Variants in EXOC6B observed in about 807,000 individuals in gnomAD.
The protein encoded by EXOC6B is exocyst complex component 6B, also known as SEC15 homolog B.
In EXOC6B, 54 loss-of-function variants were observed where a neutral mutation model predicts 113.5. The ratio of observed to expected loss-of-function variants is 0.48; its 90% confidence interval spans 0.38 to 0.60. The LOEUF (loss-of-function observed/expected upper bound fraction) is 0.60, where lower values mean the gene tolerates loss of function less well. EXOC6B is among the 20% of genes least tolerant of loss of function. The pLI is 0.00. For missense variants in EXOC6B, 797 were observed against 977.5 expected (o/e 0.82, Z 2.46); for synonymous variants, 357 against 339.0 (o/e 1.05, Z -0.58).
At chr2:72,296,084 G>A (rs1686120290) in intron 20 of EXOC6B, among the ~76,000 whole-genome samples, 1 of 151,912 alleles carries the variant, frequency 6.6e-6, no homozygotes, top group African/African-American at 2.4e-5. Flanking sequence ...TCCTGAACAT[G>A]TATGTCTCAA....
At chr2:72,707,924 T>C (rs1678994492) in intron 6 of EXOC6B, among the ~76,000 whole-genome samples, 1 of 152,062 alleles carries the variant, frequency 6.6e-6, no homozygotes, top group Admixed American at 6.5e-5. Context: ...AGAAATAAAA[T>C]AGTTATTGAA....
At chr2:72,262,224 G>C (rs1317072778) in intron 20 of EXOC6B, among the ~76,000 whole-genome samples, 1 of 151,746 alleles carries the variant, frequency 6.6e-6, no homozygotes, top group Non-Finnish European at 1.5e-5. Flanking sequence ...CTTTCCTTGG[G>C]TCTCCACTCC....
intron 20 of EXOC6B, among the ~76,000 whole-genome samples, chr2:72,268,498 C>T (rs1684276108): frequency 6.6e-6 from 1 of 152,108 alleles, no homozygotes; most frequent in Non-Finnish European, 1.5e-5. Flanking sequence ...CAGAATGATG[C>T]ATAGTATGAC....
intron 20 of EXOC6B, among the ~76,000 whole-genome samples, chr2:72,216,512 G>C (rs1322509056): frequency 6.6e-6 from 1 of 152,146 alleles, no homozygotes; most frequent in Non-Finnish European, 1.5e-5. Context: ...TAAGGATCTA[G>C]AACCAGAAAT....
intron 8 of EXOC6B, among the ~76,000 whole-genome samples, chr2:72,526,704 G>C (rs1389797897): frequency 6.6e-6 from 1 of 151,866 alleles, no homozygotes; most frequent in Admixed American, 6.6e-5. Context: ...TTCAGAAAAT[G>C]AGACAGAATA....
chr2:72,420,712 C>T (rs6743881), intron 18 of EXOC6B, among the ~76,000 whole-genome samples: 32,116 of 151,960 alleles, frequency 0.21, 6,427 homozygotes, highest in African/African-American at 0.53. Context: ...TGCATGTGTC[C>T]TTATAGTAGA....
At chr2:72,207,953 T>A (rs573855492) in intron 20 of EXOC6B, among the ~76,000 whole-genome samples, 59 of 152,310 alleles carry the variant, frequency 3.9e-4, no homozygotes, top group Non-Finnish European at 8.1e-4. Context: ...TTTTCAAATA[T>A]ATTCTCATTT....
intron 20 of EXOC6B, among the ~76,000 whole-genome samples, chr2:72,301,978 G>A (rs1187876531): frequency 6.6e-6 from 1 of 152,116 alleles, no homozygotes; most frequent in Admixed American, 6.6e-5. Context: ...GGCATTTAGT[G>A]CTATAAATTT....
At chr2:72,587,491 G>A (rs534976373) in intron 6 of EXOC6B, among the ~76,000 whole-genome samples, 1 of 152,232 alleles carries the variant, frequency 6.6e-6, no homozygotes, top group African/African-American at 2.4e-5. Flanking sequence ...TGAGTGACAG[G>A]ATCATTCACA....
intron 20 of EXOC6B, among the ~76,000 whole-genome samples, chr2:72,299,505 C>T (rs1290158323): frequency 1.3e-5 from 2 of 152,008 alleles, no homozygotes; most frequent in African/African-American, 4.8e-5. Flanking sequence ...ATTACCCACC[C>T]TCTGAAGCCT....
intron 7 of EXOC6B, among the ~76,000 whole-genome samples, chr2:72,573,814 A>G (rs1411025525): frequency 6.6e-6 from 1 of 152,174 alleles, no homozygotes; most frequent in Non-Finnish European, 1.5e-5. Context: ...AAACGTATAT[A>G]AAAGAATGTA....
At chr2:72,376,861 T>C (rs1691394119) in intron 19 of EXOC6B, among the ~76,000 whole-genome samples, 1 of 152,108 alleles carries the variant, frequency 6.6e-6, no homozygotes, top group South Asian at 2.1e-4. Flanking sequence ...GTTTTTTTCT[T>C]CCTCATCCTT....
intron 18 of EXOC6B, among the ~76,000 whole-genome samples, chr2:72,452,276 T>TA (rs375304914): frequency 1.3e-5 from 2 of 152,200 alleles, no homozygotes; most frequent in African/African-American, 4.8e-5. Context: ...ATGCATGATG[T>TA]CCCTGTTAGA....
chr2:72,194,163 A>G (rs917502207), intron 20 of EXOC6B, among the ~76,000 whole-genome samples: 1 of 152,090 alleles, frequency 6.6e-6, no homozygotes, highest in African/African-American at 2.4e-5. Flanking sequence ...CTTTAGAGAG[A>G]CCCTTCCCAT....
At chr2:72,329,621 A>G (rs1341104977) in intron 20 of EXOC6B, among the ~76,000 whole-genome samples, 1 of 152,088 alleles carries the variant, frequency 6.6e-6, no homozygotes, top group Non-Finnish European at 1.5e-5. Context: ...CTAGGAACAC[A>G]TAATATTCAC....
chr2:72,387,845 C>G (rs2105097536), intron 18 of EXOC6B, among the ~76,000 whole-genome samples: 1 of 151,764 alleles, frequency 6.6e-6, no homozygotes, highest in Admixed American at 6.6e-5. Context: ...TTATTATTTC[C>G]TTTTTCCTAT....
intron 18 of EXOC6B, among the ~76,000 whole-genome samples, chr2:72,409,193 C>T (rs548299724): frequency 1.5e-4 from 23 of 152,216 alleles, no homozygotes; most frequent in African/African-American, 3.9e-4. Context: ...GTTAGAATGG[C>T]GATCATTAAA....
At chr2:72,467,589 A>AT (rs1698132288) in intron 17 of EXOC6B, among the ~76,000 whole-genome samples, 1 of 152,098 alleles carries the variant, frequency 6.6e-6, no homozygotes, top group African/African-American at 2.4e-5. Context: ...ATGATGTTGA[A>AT]TATTTTTTCA....
intron 18 of EXOC6B, among the ~76,000 whole-genome samples, chr2:72,450,398 A>C (rs1410444265): frequency 2.6e-5 from 4 of 152,236 alleles, no homozygotes; most frequent in Non-Finnish European, 5.9e-5. Flanking sequence ...GACAGAGGTC[A>C]CATGACATAG....
Sources: gnomAD v4.1 joint callset for allele counts (sites outside exome capture counted in the v4.1 genomes callset) on GRCh38, gnomAD v4.1.1 for gene constraint, MANE v1.5 for transcripts, NCBI Gene and HGNC (gene_info 2026-07-23, HGNC 2026-07-21) for gene names.